PTPRQ: variants seen among roughly 807,000 people sequenced by gnomAD.
The protein encoded by PTPRQ is phosphatidylinositol phosphatase PTPRQ.
In PTPRQ, 199 loss-of-function variants were observed where a neutral mutation model predicts 246.0. That is an observed-to-expected ratio of 0.81 (90% CI 0.72 to 0.91). The LOEUF (loss-of-function observed/expected upper bound fraction) is 0.91, where lower values mean the gene tolerates loss of function less well. Ranked by LOEUF, PTPRQ falls within the 40% of genes least tolerant of loss-of-function variation. The probability of loss-of-function intolerance (pLI) is 0.00; values close to 1 mark genes in which losing one functional copy is unlikely to be tolerated. For missense variants in PTPRQ, 2,624 were observed against 2,528.4 expected, an observed-to-expected ratio of 1.04 and a Z score of -0.81; for synonymous variants, 869 against 853.2, an observed-to-expected ratio of 1.02 and a Z score of -0.32.
chr12:80,588,491 A>G, intron 26 of PTPRQ, 39 bp downstream of exon 26: 2 of 1,429,198 alleles, frequency 1.4e-6, no homozygotes, highest in Non-Finnish European at 1.8e-6. Context: ...GATTTCTGTT[A>G]TATTCTGTAT....
At chr12:80,610,669 A>G in intron 28 of PTPRQ, 44 bp downstream of exon 28, 1 of 1,535,538 alleles carries the variant, frequency 6.5e-7, no homozygotes, top group Non-Finnish European at 8.8e-7. Context: ...ACTGAGATTT[A>G]GCTGGCTTTC....
At chr12:80,462,037 TGA>T (rs1381162593) in intron 6 of PTPRQ, 1 of 701,010 alleles carries the variant, frequency 1.4e-6, no homozygotes, top group Non-Finnish European at 2.6e-6. Context: ...CAGTGCGCCG[TGA>T]GAGAGCCGAA....
chr12:80,477,686 G>T (rs566282102), intron 8 of PTPRQ, among the ~76,000 whole-genome samples: 2 of 152,168 alleles, frequency 1.3e-5, no homozygotes, highest in Non-Finnish European at 2.9e-5. Context: ...TGTGCGAGCC[G>T]AAGCAGGGCG....
At chr12:80,638,734 G>C (rs540843787) in intron 35 of PTPRQ, among the ~76,000 whole-genome samples, 1 of 152,136 alleles carries the variant, frequency 6.6e-6, no homozygotes, top group South Asian at 2.1e-4. Context: ...AATGAGAGCA[G>C]GAGTCAAATA....
At chr12:80,451,188 G>C (rs1475298586) in intron 3 of PTPRQ, among the ~76,000 whole-genome samples, 1 of 151,552 alleles carries the variant, frequency 6.6e-6, no homozygotes, top group East Asian at 1.9e-4. Flanking sequence ...AGTATTCTCT[G>C]ATGGTAGTTT....
intron 25 of PTPRQ, 147 bp downstream of exon 25, chr12:80,549,881 T>C (rs1038850785): frequency 4.8e-5 from 55 of 1,142,286 alleles, no homozygotes; most frequent in Non-Finnish European, 6.1e-5. Context: ...TCCCACGTGT[T>C]GCTTGAGTAC....
intron 33 of PTPRQ, among the ~76,000 whole-genome samples, chr12:80,623,042 T>A (rs922778278): frequency 6.6e-6 from 1 of 152,110 alleles, no homozygotes; most frequent in Non-Finnish European, 1.5e-5. Flanking sequence ...TCTTAAAGAA[T>A]TGCATGAACA....
chr12:80,632,139 C>G, intron 33 of PTPRQ, 53 bp from the exon 34 acceptor site: 1 of 1,508,842 alleles, frequency 6.6e-7, no homozygotes, highest in Non-Finnish European at 8.9e-7. Flanking sequence ...GTTTGGGATT[C>G]AAAATAAGAT....
At chr12:80,605,743 T>C (rs929423616) in intron 27 of PTPRQ, among the ~76,000 whole-genome samples, 5 of 150,972 alleles carry the variant, frequency 3.3e-5, no homozygotes, top group African/African-American at 1.2e-4. Flanking sequence ...TCCCAGGCTA[T>C]AGCATTAAAA....
intron 38 of PTPRQ, among the ~76,000 whole-genome samples, chr12:80,653,846 T>G (rs942403875): frequency 4.2e-4 from 64 of 152,310 alleles, no homozygotes; most frequent in African/African-American, 1.4e-3. Flanking sequence ...AGTAGTAATC[T>G]ACTAGAACCT....
At position 80,647,874 on chromosome 12, in the gene PTPRQ, C is replaced by T. The variant is rs186781441; in HGVS notation, c.5916-1023C>T. Among the ~76,000 whole-genome samples the T allele has an allele frequency of 9.9e-4, 150 of 150,796 alleles. 1 individual carries two copies. The highest frequency in any genetic ancestry group is 3.4e-3 in the African/African-American group (143 of 41,490). Reference sequence around the variant, plus strand: ...TACCCTGAGAAGCTGGAAGATACAACATCTCTTTCTGCTTGGGGGGCACCC... The same window carrying T: ...TACCCTGAGAAGCTGGAAGATACAATATCTCTTTCTGCTTGGGGGGCACCC... On this transcript the variant is annotated intron_variant, in intron 35 of 44. Transcript: ENST00000644991.
rs547559336 is a variant in PTPRQ at position 80,525,224 on chromosome 12, G to A, written c.2679-8791G>A. On this transcript the variant is annotated intron_variant, in intron 17 of 44. Coordinates refer to ENST00000644991, the MANE Select transcript of PTPRQ (RefSeq NM_001145026.2). ...AAATCCTCAGAATCAAGGCATATGC[G>A]GAACTATTGAAATAAGGGAACAGGT... 9.2e-5 allele frequency among the ~76,000 whole-genome samples: 14 copies of A among 152,218 alleles called. No individual in the cohort carries two copies. In the South Asian group the frequency reaches 1.7e-3, roughly 18 times the overall value.
At chr12:80,647,230 A>G (rs1471092160) in intron 35 of PTPRQ, among the ~76,000 whole-genome samples, 2 of 152,186 alleles carry the variant, frequency 1.3e-5, no homozygotes, top group Non-Finnish European at 2.9e-5. Context: ...TTGTGCTTAA[A>G]TTTTGCCAAT....
intron 26 of PTPRQ, among the ~76,000 whole-genome samples, chr12:80,601,611 C>T (rs2121068817): frequency 6.6e-6 from 1 of 151,894 alleles, no homozygotes; most frequent in African/African-American, 2.4e-5. Flanking sequence ...AAAATTGTTT[C>T]TGTCCACACT....
chr12:80,677,107 A>T (rs887103256), intron 43 of PTPRQ, among the ~76,000 whole-genome samples: 1 of 152,218 alleles, frequency 6.6e-6, no homozygotes, highest in Non-Finnish European at 1.5e-5. Flanking sequence ...GTTTACACCT[A>T]TCATTCTTTC....
At position 80,589,792 on chromosome 12, in the gene PTPRQ, G is replaced by A. The variant is rs374062909; in HGVS notation, c.4609+1340G>A. 7.9e-5 allele frequency among the ~76,000 whole-genome samples: 12 copies of A among 152,244 alleles called. No homozygotes were observed. The East Asian group carries it at 9.6e-4, about 12-fold the overall frequency. ...TGGTTTCTGTAAGATCTACCCTTCTGTTTTTTCTCCTACCTTCCTGGTAGC... is the reference window on the plus strand; with the variant it reads ...TGGTTTCTGTAAGATCTACCCTTCTATTTTTTCTCCTACCTTCCTGGTAGC... On this transcript the variant is annotated intron_variant, in intron 26 of 44. Transcript: ENST00000644991.
At chr12:80,469,228 C>G (rs1225781230) in intron 7 of PTPRQ, among the ~76,000 whole-genome samples, 1 of 152,168 alleles carries the variant, frequency 6.6e-6, no homozygotes, top group Non-Finnish European at 1.5e-5. Flanking sequence ...AGTTTTTAAT[C>G]ATTAGAAAGA....
chr12:80,654,425 A>G (rs1900361463), intron 38 of PTPRQ, among the ~76,000 whole-genome samples: 1 of 152,172 alleles, frequency 6.6e-6, no homozygotes, highest in African/African-American at 2.4e-5. Context: ...CCATGTCTTT[A>G]TATTTATCTG....
At chr12:80,605,661 A>G (rs904876603) in intron 27 of PTPRQ, among the ~76,000 whole-genome samples, 1 of 151,120 alleles carries the variant, frequency 6.6e-6, no homozygotes, top group African/African-American at 2.4e-5. Context: ...GTGAAGCAGA[A>G]CATAAAAGGT....
Sources: gnomAD v4.1 joint callset for allele counts (sites outside exome capture counted in the v4.1 genomes callset) on GRCh38, gnomAD v4.1.1 for gene constraint, MANE v1.5 for transcripts, NCBI Gene and HGNC (gene_info 2026-07-23, HGNC 2026-07-21) for gene names.